Variants in ATF6 observed in about 807,000 individuals in gnomAD.
The protein encoded by ATF6 is cyclic AMP-dependent transcription factor ATF-6 alpha.
Under a neutral mutation model 83.6 loss-of-function variants are expected in ATF6, and 53 were observed. That is an observed-to-expected ratio of 0.63 (90% CI 0.51 to 0.80). ATF6 has a LOEUF of 0.80. Ranked by LOEUF, ATF6 falls within the 30% of genes least tolerant of loss-of-function variation. The pLI is 0.00. For synonymous variants in ATF6, 288 were observed against 285.8 expected, an observed-to-expected ratio of 1.01 and a Z score of -0.08; for missense variants, 744 against 797.9, an observed-to-expected ratio of 0.93 and a Z score of 0.81.
intron 8 of ATF6, among the ~76,000 whole-genome samples, chr1:161,820,440 A>T (rs1571160249): frequency 1.3e-5 from 2 of 152,268 alleles, no homozygotes. Context: ...TTCTTTGGGG[A>T]TCCGTAAAAA....
At chr1:161,924,781 G>T (rs1480921603) in intron 15 of ATF6, among the ~76,000 whole-genome samples, 1 of 152,048 alleles carries the variant, frequency 6.6e-6, no homozygotes, top group African/African-American at 2.4e-5. Flanking sequence ...GATCTACTTG[G>T]CATCATTATG....
intron 1 of ATF6, 50 bp from the exon 2 acceptor site, chr1:161,778,194 T>C: frequency 2.7e-6 from 4 of 1,498,780 alleles, no homozygotes; most frequent in Non-Finnish European, 2.8e-6. Flanking sequence ...TGTTTCTTTG[T>C]CAAATAATTG....
intron 14 of ATF6, among the ~76,000 whole-genome samples, chr1:161,911,422 A>G (rs970765771): frequency 2.0e-5 from 3 of 152,366 alleles, no homozygotes; most frequent in Admixed American, 6.5e-5. Context: ...ACATTTTTCA[A>G]AACACTTATA....
At chr1:161,920,442 C>T (rs1441890193) in intron 15 of ATF6, among the ~76,000 whole-genome samples, 1 of 151,322 alleles carries the variant, frequency 6.6e-6, no homozygotes, top group African/African-American at 2.4e-5. Flanking sequence ...CTACAGGTGC[C>T]CGCCACCATG....
At chr1:161,932,712 C>T (rs1296011103) in intron 15 of ATF6, among the ~76,000 whole-genome samples, 2 of 152,178 alleles carry the variant, frequency 1.3e-5, no homozygotes, top group Admixed American at 6.5e-5. Flanking sequence ...GTTTAGGAAT[C>T]CAAGTAGAGT....
intron 15 of ATF6, among the ~76,000 whole-genome samples, chr1:161,954,452 G>C (rs1446035539): frequency 6.6e-6 from 1 of 152,176 alleles, no homozygotes; most frequent in Non-Finnish European, 1.5e-5. Context: ...GTTTGATTCT[G>C]AATAGAAATC....
intron 15 of ATF6, among the ~76,000 whole-genome samples, chr1:161,929,242 G>A (rs187848416): frequency 7.2e-4 from 109 of 152,282 alleles, no homozygotes; most frequent in African/African-American, 2.5e-3. Flanking sequence ...ATTTCTAGGA[G>A]GGCCAAAGAA....
At chr1:161,888,530 AT>A (rs1179422876) in intron 14 of ATF6, among the ~76,000 whole-genome samples, 5 of 152,156 alleles carry the variant, frequency 3.3e-5, no homozygotes, top group African/African-American at 9.7e-5. Context: ...GTAACTATAA[AT>A]AAAAATTCTT....
rs1689111561 is a variant in ATF6, at chr1:161,962,051, T to C, written c.*3397T>C. ...ATGCTTGTAGTACAGAAACTTCACA[T>C]GGAGTTTTGGGTGGGATTTGTGTTT... On this transcript the variant is annotated 3_prime_UTR_variant, in exon 16 of 16. Transcript: ENST00000367942. 6.6e-6 allele frequency: 1 copy of C among 152,206 alleles called. No homozygotes were observed. The highest frequency in any genetic ancestry group is 1.5e-5 in the Non-Finnish European group (1 of 68,024). The allele number at this position is 152,206 out of a possible 1,614,324, so 9.4% of individuals were successfully genotyped here.
rs766893821 is a variant in ATF6 at position 161,792,108 on chromosome 1, T to C, written c.485-16T>C. ...TGCTTTCACATTGACTTGTGGTTTGTCTGGTTTTTCTCCAGAAAATGGACT... is the reference window on the plus strand; with the variant it reads ...TGCTTTCACATTGACTTGTGGTTTGCCTGGTTTTTCTCCAGAAAATGGACT... On this transcript the variant is annotated splice_polypyrimidine_tract_variant and intron_variant, in intron 5 of 15. Coordinates refer to ENST00000367942, the MANE Select transcript of ATF6 (RefSeq NM_007348.4). 1.2e-6 allele frequency: 2 copies of C among 1,612,122 alleles called. No homozygotes were observed. The highest frequency in any genetic ancestry group is 1.7e-6 in the Non-Finnish European group (2 of 1,179,154).
At chr1:161,784,317 ATTGTTTCAT>A (rs1192446204) in intron 4 of ATF6, among the ~76,000 whole-genome samples, 32 of 152,016 alleles carry the variant, frequency 2.1e-4, no homozygotes, top group Admixed American at 3.9e-4. Context: ...CCATAATTTC[ATTGTTTCAT>A]TTGTTTCATT....
chr1:161,935,647 C>T (rs1458487036), intron 15 of ATF6, among the ~76,000 whole-genome samples: 3 of 152,176 alleles, frequency 2.0e-5, no homozygotes, highest in South Asian at 4.1e-4. Context: ...TTGCTGTTTT[C>T]GCCATTTTAA....
chr1:161,922,749 A>C (rs1401347214), intron 15 of ATF6, among the ~76,000 whole-genome samples: 1 of 152,026 alleles, frequency 6.6e-6, no homozygotes, highest in Non-Finnish European at 1.5e-5. Flanking sequence ...TGTTCGTTTT[A>C]GGATTTGTCA....
At chr1:161,794,477 GTTGT>G (rs1290570451) in intron 6 of ATF6, among the ~76,000 whole-genome samples, 1 of 151,998 alleles carries the variant, frequency 6.6e-6, no homozygotes, top group Non-Finnish European at 1.5e-5. Context: ...TTTTGTTATT[GTTGT>G]TTGTTTGTTT....
intron 8 of ATF6, 122 bp from the exon 9 acceptor site, chr1:161,820,948 A>G: frequency 2.0e-6 from 1 of 510,384 alleles, no homozygotes; most frequent in Non-Finnish European, 3.3e-6. Context: ...TTTAAATAAG[A>G]CAAGGTATTT....
intron 6 of ATF6, among the ~76,000 whole-genome samples, chr1:161,799,981 T>C (rs1324752632): frequency 6.6e-6 from 1 of 152,188 alleles, no homozygotes; most frequent in Non-Finnish European, 1.5e-5. Context: ...GATATTTTAG[T>C]TGCCAGTTAT....
At chr1:161,955,471 C>G (rs761953132) in intron 15 of ATF6, among the ~76,000 whole-genome samples, 2 of 152,156 alleles carry the variant, frequency 1.3e-5, no homozygotes, top group Admixed American at 1.3e-4. Context: ...TAAACAGATG[C>G]CCAGCCACCC....
rs1313637613 is a variant in ATF6, at chr1:161,819,827, T to C, written c.1095+9T>C. 1 of 1,603,514 alleles carries C rather than the reference T, an allele frequency of 6.2e-7. No individual in the cohort carries two copies. Among genetic ancestry groups the C allele is most frequent in the Non-Finnish European group, 8.5e-7 (1 of 1,175,676 alleles). On this transcript the variant is annotated intron_variant, in intron 8 of 15. Coordinates refer to ENST00000367942, the MANE Select transcript of ATF6 (RefSeq NM_007348.4). ...ATGAAGTTGTGTCAGAGGTAAGTGT[T>C]AGTAATACGGCTGAGTCGAGATGGG...
chr1:161,786,032 G>C (rs894391970), intron 4 of ATF6, among the ~76,000 whole-genome samples: 5 of 151,520 alleles, frequency 3.3e-5, no homozygotes, highest in Non-Finnish European at 7.4e-5. Flanking sequence ...GGGTGCAATG[G>C]CATGATCTCG....
Sources: gnomAD v4.1 joint callset for allele counts (sites outside exome capture counted in the v4.1 genomes callset) on GRCh38, gnomAD v4.1.1 for gene constraint, MANE v1.5 for transcripts, NCBI Gene and HGNC (gene_info 2026-07-23, HGNC 2026-07-21) for gene names.